The following TMOD1 variants were observed in gnomAD, a reference collection of about 807,000 sequenced individuals.
TMOD1 encodes the protein tropomodulin-1.
Under a neutral mutation model 40.6 loss-of-function variants are expected in TMOD1, and 17 were observed. The observed-to-expected ratio is 0.42, with a 90% CI of 0.29 to 0.63. TMOD1 has a LOEUF of 0.63. Ranked by LOEUF, TMOD1 falls within the 20% of genes least tolerant of loss-of-function variation. The pLI is 0.22. For missense variants in TMOD1, 391 were observed against 447.6 expected, an observed-to-expected ratio of 0.87 and a Z score of 1.14; for synonymous variants, 181 against 175.0, an observed-to-expected ratio of 1.03 and a Z score of -0.27.
chr9:97,590,721 A>G (rs1231970809), intron 8 of TMOD1, among the ~76,000 whole-genome samples: 3 of 151,936 alleles, frequency 2.0e-5, no homozygotes, highest in African/African-American at 7.3e-5. Context: ...ATTGGGCTTT[A>G]GAAAGCTAAC....
chr9:97,591,211 A>T, intron 8 of TMOD1, 80 bp from the exon 9 acceptor site: 3 of 1,408,498 alleles, frequency 2.1e-6, no homozygotes, highest in South Asian at 2.9e-5. Context: ...GAGTTTCTGC[A>T]GGTAGAGGTG....
intron 4 of TMOD1, 30 bp from the exon 5 acceptor site, chr9:97,562,702 A>T (rs1472912298): frequency 1.3e-6 from 2 of 1,487,338 alleles, no homozygotes; most frequent in Non-Finnish European, 1.8e-6. Flanking sequence ...CTGCAGAGGC[A>T]CATCATGAGC....
intron 8 of TMOD1, among the ~76,000 whole-genome samples, chr9:97,578,319 C>T (rs1825661979): frequency 6.6e-6 from 1 of 152,216 alleles, no homozygotes; most frequent in Admixed American, 6.5e-5. Flanking sequence ...TCCCAAAGTG[C>T]TGGGATTACA....
intron 2 of TMOD1, among the ~76,000 whole-genome samples, chr9:97,545,097 C>G (rs1256959360): frequency 6.6e-6 from 1 of 152,108 alleles, no homozygotes; most frequent in East Asian, 1.9e-4. Context: ...ATGTTCTGCC[C>G]ATACCAGCCA....
intron 7 of TMOD1, among the ~76,000 whole-genome samples, chr9:97,567,858 G>A (rs10817781): frequency 0.37 from 55,551 of 152,004 alleles, 10,699 homozygotes; most frequent in African/African-American, 0.48. Context: ...CAGGGGCGAC[G>A]GGGTAGGTAT....
intron 3 of TMOD1, among the ~76,000 whole-genome samples, chr9:97,552,704 C>T (rs973688011): frequency 6.6e-6 from 1 of 152,234 alleles, no homozygotes; most frequent in Non-Finnish European, 1.5e-5. Flanking sequence ...ATCCTTTATA[C>T]TAACTGCTGG....
chr9:97,521,163 TC>T (rs1271235467), intron 1 of TMOD1, among the ~76,000 whole-genome samples: 1 of 152,188 alleles, frequency 6.6e-6, no homozygotes, highest in Admixed American at 6.5e-5. Flanking sequence ...AAGCGTGTTT[TC>T]CAAACTTGGT....
At chr9:97,553,472 G>A (rs1024823139) in intron 4 of TMOD1, 72 bp downstream of exon 4, 19 of 1,592,914 alleles carry the variant, frequency 1.2e-5, no homozygotes, top group African/African-American at 2.7e-5. Context: ...AGCCTTGTAG[G>A]GCTCATTTCA....
intron 8 of TMOD1, among the ~76,000 whole-genome samples, chr9:97,575,349 A>T (rs1830915079): frequency 1.3e-5 from 2 of 152,350 alleles, no homozygotes; most frequent in South Asian, 4.1e-4. Context: ...CATCAGAAGG[A>T]ACAAACTCCG....
At chr9:97,504,131 G>T (rs1829550560) in intron 1 of TMOD1, among the ~76,000 whole-genome samples, 1 of 152,194 alleles carries the variant, frequency 6.6e-6, no homozygotes, top group Non-Finnish European at 1.5e-5. Flanking sequence ...GACCCAGCCT[G>T]TCTGAGCCTC....
In TMOD1 at chr9:97,601,243, T is replaced by C; in HGVS notation, c.*1545T>C. On this transcript the variant is annotated 3_prime_UTR_variant, in exon 10 of 10. Transcript: ENST00000259365. The stretch of plus-strand genomic sequence containing the variant: ...AAACTGCAATATAATATTAAATCTG[T>C]TGGTCTATGCATGGCTGCGTATGTG... 1 of 1,256,096 alleles carries C rather than the reference T, an allele frequency of 8.0e-7. No homozygotes were observed. 77.8% of individuals were successfully genotyped at this position (1,256,096 alleles called of 1,614,324 possible). A position where few individuals can be genotyped will look rare whatever the true frequency, so the allele number is the denominator to read the frequency against.
intron 9 of TMOD1, among the ~76,000 whole-genome samples, chr9:97,596,969 C>G (rs555748869): frequency 6.6e-6 from 1 of 152,348 alleles, no homozygotes; most frequent in South Asian, 2.1e-4. Context: ...TCCTGTTATA[C>G]TGTGTCTTTA....
chr9:97,524,273 A>T lies in TMOD1; in HGVS notation c.85A>T (p.Thr29Ser). The change falls in exon 2 of 10, where the codon ACC becomes TCC. Residue 29 changes from threonine (T) to serine (S), a missense_variant. Physicochemically the swap from Thr to Ser is moderately conservative, Grantham distance 58. Coordinates refer to ENST00000259365, the MANE Select transcript of TMOD1 (RefSeq NM_003275.4). ...AGCCCTAACAGAGGAAGAGCTGAGG[A>T]CCCTGGAAAATGAGCTGGATGAGCT... is the stretch of plus-strand genomic sequence containing the variant. Reference protein sequence around the residue: ...LGALTEEELRTLENELDELDP... With the variant: ...LGALTEEELRSLENELDELDP... 6.2e-7 allele frequency: 1 copy of T among 1,614,120 alleles called. No individual in the cohort carries two copies. Among genetic ancestry groups the T allele is most frequent in the South Asian group, 1.1e-5 (1 of 91,082 alleles).
At chr9:97,526,031 A>G (rs1169474842) in intron 2 of TMOD1, among the ~76,000 whole-genome samples, 1 of 152,198 alleles carries the variant, frequency 6.6e-6, no homozygotes, top group Non-Finnish European at 1.5e-5. Context: ...GAGAAATGGC[A>G]TCCGCAATTG....
rs1002173366 is a variant in TMOD1 at position 97,541,081 on chromosome 9, C to T, written c.121-5104C>T. ...TCATTCTGGATTTGATTTGCATTTCCCTAATGGATAATAGTATTGAGCATT... is the reference window on the plus strand; with the variant it reads ...TCATTCTGGATTTGATTTGCATTTCTCTAATGGATAATAGTATTGAGCATT... On this transcript the variant is annotated intron_variant, in intron 2 of 9. Coordinates refer to ENST00000259365, the MANE Select transcript of TMOD1 (RefSeq NM_003275.4). Among the ~76,000 whole-genome samples the T allele has an allele frequency of 4.6e-5, 7 of 151,990 alleles. No individual in the cohort carries two copies. The South Asian group carries it at 1.2e-3, about 27-fold the overall frequency.
chr9:97,524,123 T>G lies in TMOD1; in HGVS notation c.-48-18T>G. The G allele has an allele frequency of 5.1e-6, 8 of 1,557,974 alleles. No individual in the cohort carries two copies. Among genetic ancestry groups the G allele is most frequent in the Non-Finnish European group, 6.9e-6 (8 of 1,153,956 alleles). ...AAATCTGAGACGGGTCTTTCTAAGG[T>G]TCTTGTCTTTCTGGTAGGTATTACT... On this transcript the variant is annotated intron_variant, in intron 1 of 9. Transcript: ENST00000259365.
intron 2 of TMOD1, among the ~76,000 whole-genome samples, chr9:97,533,430 C>T (rs1243464059): frequency 6.6e-6 from 1 of 152,194 alleles, no homozygotes; most frequent in African/African-American, 2.4e-5. Context: ...TACAGTGCAG[C>T]CAGGTATAGT....
chr9:97,600,162 C>A lies in TMOD1; in HGVS notation c.*464C>A, dbSNP rs992047810. Reference sequence around the variant, plus strand: ...AAAACTGATTATCATTCTTTATTAACCCTCCTTGGAATTTTGAAAACCTCG... The same window carrying A: ...AAAACTGATTATCATTCTTTATTAAACCTCCTTGGAATTTTGAAAACCTCG... On this transcript the variant is annotated 3_prime_UTR_variant, in exon 10 of 10. Transcript: ENST00000259365. 2.0e-6 allele frequency: 2 copies of A among 998,326 alleles called. No homozygotes were observed. Among genetic ancestry groups the A allele is most frequent in the Middle Eastern group, 5.2e-4 (1 of 1,930 alleles). 61.8% of individuals were successfully genotyped at this position (998,326 alleles called of 1,614,324 possible).
At chr9:97,573,243 G>A (rs1830849785) in intron 8 of TMOD1, among the ~76,000 whole-genome samples, 1 of 152,202 alleles carries the variant, frequency 6.6e-6, no homozygotes, top group Non-Finnish European at 1.5e-5. Context: ...TCTTCCCCAG[G>A]ACCCCCAGGG....
Sources: allele counts gnomAD v4.1 joint callset (sites outside exome capture counted in the v4.1 genomes callset), GRCh38; gene constraint gnomAD v4.1.1; transcripts MANE v1.5; gene names NCBI Gene and HGNC (gene_info 2026-07-23, HGNC 2026-07-21).